WFS1: variants seen among roughly 807,000 people sequenced by gnomAD.
WFS1 encodes the protein wolframin.
WFS1 carries 90 observed loss-of-function variants against 68.5 expected under a neutral mutation model. The observed-to-expected ratio is 1.31, with a 90% confidence interval of 1.11 to 1.56. WFS1 has a LOEUF of 1.56. Ranked by LOEUF, WFS1 falls within the 40% of genes most tolerant of loss-of-function variation. The pLI is 0.00. For synonymous variants in WFS1, 860 were observed against 540.7 expected (o/e 1.59, Z -8.19); for missense variants, 1,767 against 1,232.6 (o/e 1.43, Z -6.49).
chr4:6,300,175 C>G (rs527421628), intron 7 of WFS1, among the ~76,000 whole-genome samples: 1 of 152,148 alleles, frequency 6.6e-6, no homozygotes, highest in Non-Finnish European at 1.5e-5. Context: ...CCTGCGGCTT[C>G]TCCTCCTCGT....
intron 7 of WFS1, 73 bp downstream of exon 7, chr4:6,295,262 C>T (rs1730603986): frequency 1.3e-6 from 2 of 1,591,846 alleles, no homozygotes; most frequent in Admixed American, 1.7e-5. Flanking sequence ...AGGGCACCTT[C>T]CAGGAAGCTG....
intron 1 of WFS1, among the ~76,000 whole-genome samples, chr4:6,275,204 C>T (rs1420438261): frequency 6.6e-6 from 1 of 152,158 alleles, no homozygotes; most frequent in Non-Finnish European, 1.5e-5. Context: ...TAAAGGTGCC[C>T]TCTCTCTCTG....
In WFS1 at chr4:6,302,174, C is replaced by CGAG; in HGVS notation, c.2385_2387dup (p.Glu795dup). 1.2e-6 allele frequency: 2 copies of CGAG among 1,612,620 alleles called. No homozygotes were observed. The highest frequency in any genetic ancestry group is 2.2e-5 in the South Asian group (2 of 91,072). On this transcript the variant is annotated inframe_insertion, in exon 8 of 8. Coordinates refer to ENST00000226760, the MANE Select transcript of WFS1 (RefSeq NM_006005.3). ...GCGGCGCTGACGGCTCGCGCAGCCG[C>CGAG]GAGGAGGACGACGTCACCAAGGACA... is the stretch of plus-strand genomic sequence containing the variant.
rs34384569 is a variant in WFS1, at chr4:6,302,105, C to T, written c.2310C>T (p.Phe770=). 2.3e-5 allele frequency: 37 copies of T among 1,612,938 alleles called. No homozygotes were observed. Among genetic ancestry groups the T allele is most frequent in the African/African-American group, 2.0e-4 (15 of 75,068 alleles). Residue 770 remains phenylalanine, a synonymous_variant, in exon 8 of 8, where the codon TTC becomes TTT. Coordinates refer to ENST00000226760, the MANE Select transcript of WFS1 (RefSeq NM_006005.3). Reference sequence around the variant, plus strand: ...AGCACCCCTGCCACATCAAGAAGTTCGACCGCTACAAGTTTGAGATTACCG... The same window carrying T: ...AGCACCCCTGCCACATCAAGAAGTTTGACCGCTACAAGTTTGAGATTACCG... ...LAKHPCHIKK[F]DRYKFEITVG...
chr4:6,274,604 A>G (rs1282306693), intron 1 of WFS1, among the ~76,000 whole-genome samples: 2 of 152,118 alleles, frequency 1.3e-5, no homozygotes, highest in African/African-American at 4.8e-5. Context: ...GGTGAGGAAG[A>G]CAGGGACTCG....
intron 6 of WFS1, among the ~76,000 whole-genome samples, chr4:6,294,038 C>T (rs943195847): frequency 2.6e-5 from 4 of 152,146 alleles, no homozygotes; most frequent in Non-Finnish European, 5.9e-5. Flanking sequence ...GGTGCTGCCC[C>T]GACTCCTCTC....
chr4:6,277,738 G>A lies in WFS1; in HGVS notation c.232+51G>A, dbSNP rs768626281. 4 of 1,543,788 alleles carry A rather than the reference G, an allele frequency of 2.6e-6. No individual in the cohort carries two copies. In the African/African-American group the frequency reaches 5.5e-5, roughly 21 times the overall value. On this transcript the variant is annotated intron_variant, in intron 2 of 7. Coordinates refer to ENST00000226760, the MANE Select transcript of WFS1 (RefSeq NM_006005.3). Reference sequence around the variant, plus strand: ...GGCTGGGGATGTTCAGGGATAGCTGGGTGGGAACGGGGTTCAGCCACCCCT... The same window carrying A: ...GGCTGGGGATGTTCAGGGATAGCTGAGTGGGAACGGGGTTCAGCCACCCCT...
chr4:6,277,826 G>A, intron 2 of WFS1, 139 bp downstream of exon 2: 1 of 1,049,252 alleles, frequency 9.5e-7, no homozygotes, highest in Non-Finnish European at 1.4e-6. Context: ...CTGTGCACAG[G>A]CGTCCATCCA....
intron 6 of WFS1, among the ~76,000 whole-genome samples, chr4:6,294,178 C>G (rs1253391637): frequency 1.3e-5 from 2 of 152,310 alleles, no homozygotes; most frequent in East Asian, 3.9e-4. Context: ...TGCCCTGCCC[C>G]AGCATGGTCC....
Position 6,287,270 on chromosome 4 carries a change from C to G in WFS1, c.315+95C>G. 1 of 1,187,960 alleles carries G rather than the reference C, an allele frequency of 8.4e-7. No individual in the cohort carries two copies. 73.6% of individuals were successfully genotyped at this position (1,187,960 alleles called of 1,614,324 possible). A position where few individuals can be genotyped will look rare whatever the true frequency, so the allele number is the denominator to read the frequency against. The stretch of plus-strand genomic sequence containing the variant: ...CACAGCCCACAGAGAAGTGTCGGTG[C>G]CTGAGATCGGGGTCAGGAGCCAGCG... On this transcript the variant is annotated intron_variant, in intron 3 of 7. Transcript: ENST00000226760. The surrounding 1 kb of genome is among the most constrained non-coding windows in gnomAD (Gnocchi z 6.4).
intron 7 of WFS1, among the ~76,000 whole-genome samples, chr4:6,297,652 G>C (rs557506760): frequency 1.3e-5 from 2 of 152,248 alleles, no homozygotes; most frequent in Admixed American, 6.5e-5. Context: ...GCTGCTTCCT[G>C]GTTTCTCGTG....
chr4:6,293,056 G>C (rs1324686797), intron 6 of WFS1, among the ~76,000 whole-genome samples: 1 of 152,198 alleles, frequency 6.6e-6, no homozygotes, highest in Non-Finnish European at 1.5e-5. Flanking sequence ...GTGACTCTAG[G>C]AAGCCCGAGG....
chr4:6,291,445 C>A, intron 5 of WFS1, 78 bp downstream of exon 5: 1 of 1,556,380 alleles, frequency 6.4e-7, no homozygotes, highest in Non-Finnish European at 8.7e-7. Context: ...CCCATAGGGG[C>A]TGGGACCTTC....
intron 7 of WFS1, among the ~76,000 whole-genome samples, chr4:6,299,441 T>C (rs1249388296): frequency 6.7e-6 from 1 of 150,362 alleles, no homozygotes; most frequent in Non-Finnish European, 1.5e-5. Context: ...TGCACACGTG[T>C]AGGGGTGGGT....
rs559238522 is a variant in WFS1 at position 6,302,895 on chromosome 4, C to A, written c.*427C>A. ...CTGTGTAACCTCCACAGTAGCATTT[C>A]TTATTTGTTTGGTCACTGCTACACC... is the stretch of plus-strand genomic sequence containing the variant. On this transcript the variant is annotated 3_prime_UTR_variant, in exon 8 of 8. Transcript: ENST00000226760. 4.2e-6 allele frequency: 1 copy of A among 237,378 alleles called. No individual in the cohort carries two copies. Among genetic ancestry groups the A allele is most frequent in the East Asian group, 1.1e-4 (1 of 8,874 alleles). 14.7% of individuals were successfully genotyped at this position (237,378 alleles called of 1,614,324 possible). A position where few individuals can be genotyped will look rare whatever the true frequency, so the allele number is the denominator to read the frequency against.
Position 6,287,564 on chromosome 4 carries a change from C to T in WFS1, c.315+389C>T, listed in dbSNP as rs1326766274. 6.6e-6 allele frequency among the ~76,000 whole-genome samples: 1 copy of T among 152,162 alleles called. No individual in the cohort carries two copies. Among genetic ancestry groups the T allele is most frequent in the Non-Finnish European group, 1.5e-5 (1 of 68,040 alleles). ...TGGCTGTTAGCTGTGTGCACGGGGC[C>T]CTCAGAGCGGTGACCATTCACTTGG... On this transcript the variant is annotated intron_variant, in intron 3 of 7. Coordinates refer to ENST00000226760, the MANE Select transcript of WFS1 (RefSeq NM_006005.3). This position sits in a 1 kb window ranked among gnomAD's most constrained non-coding sequence, Gnocchi z 6.4.
chr4:6,301,597 T>TGG lies in WFS1; in HGVS notation c.1803_1804dup (p.Ala602GlyfsTer24). On this transcript the variant is annotated frameshift_variant, in exon 8 of 8. Transcript: ENST00000226760. LOFTEE classifies it high-confidence loss of function. ...GAGCTCACCAAGATCGCAGTCACCG[T>TGG]GGCGGTCTGTAGTGTGCCCCTGCTG... 1 of 1,614,154 alleles carries TGG rather than the reference T, an allele frequency of 6.2e-7. No homozygotes were observed. Among genetic ancestry groups the TGG allele is most frequent in the South Asian group, 1.1e-5 (1 of 91,086 alleles).
intron 4 of WFS1, among the ~76,000 whole-genome samples, 157 bp downstream of exon 4, chr4:6,289,288 A>G (rs967127944): frequency 3.3e-5 from 5 of 152,154 alleles, no homozygotes; most frequent in African/African-American, 1.2e-4. Flanking sequence ...CATTTTAGAC[A>G]CTGTTTCTGG....
chr4:6,301,475 C>T lies in WFS1; in HGVS notation c.1680C>T (p.Ser560=), dbSNP rs760906868. ...ESTGLGLLRA[S]IGYFLFLFAL... is the part of the protein sequence containing the mutation. ...CCGGCCTGGGGCTGCTCCGCGCCTC[C>T]ATCGGCTACTTCCTCTTCCTCTTTG... Residue 560 remains serine (S), a synonymous_variant, in exon 8 of 8, where the codon TCC becomes TCT. Coordinates refer to ENST00000226760, the MANE Select transcript of WFS1 (RefSeq NM_006005.3). 12 of 1,612,898 alleles carry T rather than the reference C, an allele frequency of 7.4e-6. No individual in the cohort carries two copies. In the Admixed American group the frequency reaches 1.2e-4, roughly 16 times the overall value.
Sources: gnomAD v4.1 joint callset for allele counts (sites outside exome capture counted in the v4.1 genomes callset) on GRCh38, gnomAD v4.1.1 for gene constraint, Gnocchi (gnomAD v3.1) non-coding constraint, MANE v1.5 for transcripts, NCBI Gene and HGNC (gene_info 2026-07-23, HGNC 2026-07-21) for gene names.